The following CEPT1 variants were observed in gnomAD, a reference collection of about 807,000 sequenced individuals.
The protein encoded by CEPT1 is choline/ethanolaminephosphotransferase 1.
A neutral mutation model predicts 42.6 loss-of-function variants in CEPT1; 7 were observed. The ratio of observed to expected loss-of-function variants is 0.16; its 90% confidence interval spans 0.09 to 0.31. CEPT1 has a LOEUF of 0.31. CEPT1 is among the 10% of genes least tolerant of loss of function. The probability of loss-of-function intolerance (pLI) is 1.00; values close to 1 mark genes in which losing one functional copy is unlikely to be tolerated. For missense variants in CEPT1, 306 were observed against 502.1 expected (o/e 0.61, Z 3.73); for synonymous variants, 171 against 171.9 (o/e 0.99, Z 0.04).
intron 5 of CEPT1, among the ~76,000 whole-genome samples, chr1:111,178,033 T>TTA (rs1656775418): frequency 6.6e-6 from 1 of 152,234 alleles, no homozygotes; most frequent in African/African-American, 2.4e-5. Context: ...ATTATTTTTT[T>TTA]CTTTTTACTT....
chr1:111,159,651 A>G (rs1056897660), intron 3 of CEPT1, 124 bp downstream of exon 3: 1 of 685,082 alleles, frequency 1.5e-6, no homozygotes. Context: ...AGTATTTCTC[A>G]AAAGACTATG....
intron 4 of CEPT1, among the ~76,000 whole-genome samples, chr1:111,161,985 C>A (rs957266147): frequency 1.3e-5 from 2 of 152,174 alleles, no homozygotes; most frequent in Admixed American, 1.3e-4. Context: ...GAATTTCCCT[C>A]ATGATGTTGT....
intron 1 of CEPT1, among the ~76,000 whole-genome samples, chr1:111,144,944 TG>T (rs1470922810): frequency 6.6e-6 from 1 of 152,194 alleles, no homozygotes; most frequent in Non-Finnish European, 1.5e-5. Flanking sequence ...AGTACCTTTG[TG>T]ATACAGTTGT....
chr1:111,181,460 C>T (rs573121792), intron 5 of CEPT1: 2 of 152,238 alleles, frequency 1.3e-5, no homozygotes, highest in East Asian at 3.9e-4. Context: ...ACTCTGTCCC[C>T]CATACTTCAG....
chr1:111,167,022 T>C (rs536576852), intron 4 of CEPT1: 2 of 542,390 alleles, frequency 3.7e-6, no homozygotes, highest in South Asian at 8.1e-5. Flanking sequence ...TTTTTAAATC[T>C]ATTTTTGTTA....
At chr1:111,147,311 G>A (rs1324848003) in intron 1 of CEPT1, among the ~76,000 whole-genome samples, 4 of 152,182 alleles carry the variant, frequency 2.6e-5, no homozygotes, top group Non-Finnish European at 5.9e-5. Flanking sequence ...TATGTGTAAT[G>A]ATGAGATGAT....
intron 4 of CEPT1, among the ~76,000 whole-genome samples, chr1:111,163,358 A>T (rs898193569): frequency 6.6e-6 from 1 of 152,244 alleles, no homozygotes; most frequent in Non-Finnish European, 1.5e-5. Flanking sequence ...GGCCAGGCAC[A>T]GTGGCTTATG....
chr1:111,162,549 G>C (rs1025512835), intron 4 of CEPT1, among the ~76,000 whole-genome samples: 32 of 152,188 alleles, frequency 2.1e-4, no homozygotes, highest in African/African-American at 7.0e-4. Context: ...ATATGTGAGG[G>C]ATTTTAGACA....
intron 4 of CEPT1, among the ~76,000 whole-genome samples, chr1:111,164,613 A>ATTGTT (rs550248609): frequency 9.0e-4 from 136 of 150,308 alleles, no homozygotes; most frequent in Middle Eastern, 6.9e-3. Flanking sequence ...ATTTTTTTGG[A>ATTGTT]TTGTTTTGTT....
intron 2 of CEPT1, among the ~76,000 whole-genome samples, chr1:111,156,260 G>C (rs1655565034): frequency 6.6e-6 from 1 of 152,176 alleles, no homozygotes; most frequent in South Asian, 2.1e-4. Context: ...AGTCTCAGAA[G>C]ATACTTGAAA....
At chr1:111,161,404 T>C (rs1655865529) in intron 4 of CEPT1, 108 bp downstream of exon 4, 1 of 1,090,460 alleles carries the variant, frequency 9.2e-7, no homozygotes, top group Non-Finnish European at 1.3e-6. Flanking sequence ...GTTAGTTTAA[T>C]AAATTAAAAA....
intron 8 of CEPT1, among the ~76,000 whole-genome samples, 187 bp from the exon 9 acceptor site, chr1:111,184,004 G>A (rs1189922607): frequency 6.6e-6 from 1 of 152,160 alleles, no homozygotes; most frequent in Non-Finnish European, 1.5e-5. Flanking sequence ...GGCCCATAAA[G>A]CTTAAAATAT....
intron 2 of CEPT1, among the ~76,000 whole-genome samples, chr1:111,157,615 C>T (rs1487802407): frequency 6.6e-6 from 1 of 152,192 alleles, no homozygotes; most frequent in African/African-American, 2.4e-5. Flanking sequence ...CTTAGTCATA[C>T]AGGATTAATT....
chr1:111,181,244 A>G (rs1656966721), intron 5 of CEPT1: 1 of 152,156 alleles, frequency 6.6e-6, no homozygotes, highest in Non-Finnish European at 1.5e-5. Context: ...TCTTGTTTCT[A>G]TAATCATTTG....
At chr1:111,144,275 T>A (rs556513611) in intron 1 of CEPT1, among the ~76,000 whole-genome samples, 5 of 152,212 alleles carry the variant, frequency 3.3e-5, no homozygotes, top group Non-Finnish European at 7.3e-5. Flanking sequence ...CCTGTGGTAG[T>A]GACTGCAAAC....
At chr1:111,175,014 T>G in intron 5 of CEPT1, 51 bp downstream of exon 5, 1 of 1,122,798 alleles carries the variant, frequency 8.9e-7, no homozygotes, top group South Asian at 1.2e-5. Context: ...GTCTTTTGCT[T>G]GTGTTTTCTA....
chr1:111,166,336 T>G (rs991246842), intron 4 of CEPT1, among the ~76,000 whole-genome samples: 3 of 152,244 alleles, frequency 2.0e-5, no homozygotes, highest in Non-Finnish European at 4.4e-5. Flanking sequence ...TGCTACTGTT[T>G]TGTGTGTTAT....
intron 1 of CEPT1, 106 bp from the exon 2 acceptor site, chr1:111,147,536 T>A (rs1655035472): frequency 2.0e-6 from 1 of 506,058 alleles, no homozygotes; most frequent in Admixed American, 3.7e-5. Flanking sequence ...CTTACTACTT[T>A]ATTGACAATT....
chr1:111,177,317 A>G (rs1448679969), intron 5 of CEPT1, among the ~76,000 whole-genome samples: 1 of 151,944 alleles, frequency 6.6e-6, no homozygotes, highest in South Asian at 2.1e-4. Context: ...TCCCTTGGGG[A>G]TGCTGAATAA....
Sources: allele counts gnomAD v4.1 joint callset (sites outside exome capture counted in the v4.1 genomes callset), GRCh38; gene constraint gnomAD v4.1.1; transcripts MANE v1.5; gene names NCBI Gene and HGNC (gene_info 2026-07-23, HGNC 2026-07-21).